ANAPC10: variants seen among roughly 807,000 people sequenced by gnomAD.
The protein encoded by ANAPC10 is anaphase promoting complex subunit 10, also known as anaphase-promoting complex subunit 10.
Under a neutral mutation model 22.0 loss-of-function variants are expected in ANAPC10, and 12 were observed. That is an observed-to-expected ratio of 0.55 (90% CI 0.35 to 0.88). The LOEUF (loss-of-function observed/expected upper bound fraction) is 0.88. ANAPC10 is among the 40% of genes least tolerant of loss of function. ANAPC10 has a pLI of 0.01. For synonymous variants in ANAPC10, 65 were observed against 69.5 expected (o/e 0.94, Z 0.32); for missense variants, 188 against 220.9 (o/e 0.85, Z 0.94).
At chr4:145,033,002 A>T (rs1050541306) in intron 4 of ANAPC10, 4 of 152,222 alleles carry the variant, frequency 2.6e-5, no homozygotes, top group Non-Finnish European at 5.9e-5. Context: ...CTAAAGAAGT[A>T]TGGCAGTGGG....
intron 4 of ANAPC10, among the ~76,000 whole-genome samples, chr4:145,043,628 T>A (rs1739847845): frequency 6.6e-6 from 1 of 152,168 alleles, no homozygotes; most frequent in Non-Finnish European, 1.5e-5. Flanking sequence ...TTCTTTCCAT[T>A]ATAAATCTTT....
chr4:145,083,697 T>C (rs774510107), intron 2 of ANAPC10, among the ~76,000 whole-genome samples: 58 of 152,138 alleles, frequency 3.8e-4, no homozygotes, highest in Non-Finnish European at 7.2e-4. Flanking sequence ...CTGAGAAAAA[T>C]AGAATAATTG....
At chr4:145,067,043 G>C (rs1356386695) in intron 3 of ANAPC10, among the ~76,000 whole-genome samples, 1 of 135,634 alleles carries the variant, frequency 7.4e-6, no homozygotes, top group East Asian at 2.0e-4. Flanking sequence ...CGTATAATTT[G>C]CTATATACAT....
chr4:145,049,189 G>T (rs1349861419), intron 4 of ANAPC10, among the ~76,000 whole-genome samples: 1 of 152,020 alleles, frequency 6.6e-6, no homozygotes, highest in Non-Finnish European at 1.5e-5. Context: ...AATTTTTTTT[G>T]GAGGCAGAGT....
chr4:145,095,451 G>A (rs888375731), intron 2 of ANAPC10, among the ~76,000 whole-genome samples: 11 of 152,210 alleles, frequency 7.2e-5, no homozygotes, highest in Middle Eastern at 3.4e-3. Context: ...CTACCTGACC[G>A]TTAGCCATCA....
rs1309542753 is a variant in ANAPC10, at chr4:145,027,195, G to A, written c.328-31592C>T. ...ATTTTTGTATTTTTAGTAGAGATGG[G>A]ATTTTGCCATGTTGGCCAGGCTAGT... On this transcript the variant is annotated intron_variant, in intron 4 of 4. Transcript: ENST00000507656. Among the ~76,000 whole-genome samples the A allele has an allele frequency of 1.0e-4, 15 of 149,576 alleles. No individual in the cohort carries two copies. The Admixed American group carries it at 1.0e-3, about 10-fold the overall frequency.
At chr4:145,067,737 T>C (rs906366807) in intron 3 of ANAPC10, among the ~76,000 whole-genome samples, 3 of 152,182 alleles carry the variant, frequency 2.0e-5, no homozygotes, top group Non-Finnish European at 4.4e-5. Flanking sequence ...TTGGAACCCA[T>C]GAAATTCTGA....
rs922197718 is a variant in ANAPC10 at position 145,031,059 on chromosome 4, C to A, written c.327+33513G>T. Among the ~76,000 whole-genome samples the A allele has an allele frequency of 2.0e-5, 3 of 152,170 alleles. No individual in the cohort carries two copies. In the East Asian group the frequency reaches 5.8e-4, roughly 29 times the overall value. On this transcript the variant is annotated intron_variant, in intron 4 of 4. Transcript: ENST00000507656. ...TATCCAACCATTGACTTGGCAAATG[C>A]CTTTTTCTCCATTCCTGTCCATAAG...
At chr4:145,051,888 G>T (rs956917116) in intron 4 of ANAPC10, among the ~76,000 whole-genome samples, 3 of 152,002 alleles carry the variant, frequency 2.0e-5, no homozygotes, top group Non-Finnish European at 4.4e-5. Flanking sequence ...TTAAATAATC[G>T]CAGAGTACCT....
At chr4:145,044,874 T>C (rs900918818) in intron 4 of ANAPC10, among the ~76,000 whole-genome samples, 1 of 152,076 alleles carries the variant, frequency 6.6e-6, no homozygotes, top group African/African-American at 2.4e-5. Context: ...TTATTTGATA[T>C]AAATTATATT....
chr4:145,041,604 G>T (rs1739530897), intron 4 of ANAPC10, among the ~76,000 whole-genome samples: 1 of 152,178 alleles, frequency 6.6e-6, no homozygotes, highest in Non-Finnish European at 1.5e-5. Context: ...TCCCCTTCTA[G>T]AAGGCATATG....
chr4:145,091,026 T>C (rs1481642946), intron 2 of ANAPC10, among the ~76,000 whole-genome samples: 1 of 152,248 alleles, frequency 6.6e-6, no homozygotes, highest in Non-Finnish European at 1.5e-5. Context: ...TCATTCTTAA[T>C]ATGTAAAATG....
At chr4:145,036,996 G>C (rs1450358818) in intron 4 of ANAPC10, among the ~76,000 whole-genome samples, 1 of 12,644 alleles carries the variant, frequency 7.9e-5, no homozygotes, top group Non-Finnish European at 2.1e-4. Context: ...AATAGATAAC[G>C]TGTGTGTGTG....
At chr4:145,052,372 T>C (rs2126326040) in intron 4 of ANAPC10, among the ~76,000 whole-genome samples, 1 of 152,282 alleles carries the variant, frequency 6.6e-6, no homozygotes, top group East Asian at 1.9e-4. Context: ...ACCATAAATA[T>C]ACACAATTTT....
Position 145,087,821 on chromosome 4 carries a change from C to T in ANAPC10, c.116-6071G>A, listed in dbSNP as rs538658463. Among the ~76,000 whole-genome samples the T allele has an allele frequency of 3.0e-3, 463 of 152,060 alleles. 2 individuals carry two copies. The highest frequency in any genetic ancestry group is 0.01 in the African/African-American group (430 of 41,468). Reference sequence around the variant, plus strand: ...CAGCATTTTGGGAGGCTGAGGTGGGCGGATCACTTGAGGTCAAGAGTTTGA... The same window carrying T: ...CAGCATTTTGGGAGGCTGAGGTGGGTGGATCACTTGAGGTCAAGAGTTTGA... On this transcript the variant is annotated intron_variant, in intron 2 of 4. Coordinates refer to ENST00000507656, the MANE Select transcript of ANAPC10 (RefSeq NM_001256706.2).
In ANAPC10 at chr4:144,995,613, GA is replaced by G. The variant is rs767238162; in HGVS notation, c.328-11del. 4 of 1,564,442 alleles carry G rather than the reference GA, an allele frequency of 2.6e-6. No homozygotes were observed. The highest frequency in any genetic ancestry group is 1.2e-5 in the South Asian group (1 of 85,336). Reference sequence around the variant, plus strand: ...CCACCAACTCAAGTTGCTGCCAAGGGAAAAAAAATCAGATTATGCTTTTATT... The same window carrying G: ...CCACCAACTCAAGTTGCTGCCAAGGGAAAAAAATCAGATTATGCTTTTATT... On this transcript the variant is annotated splice_polypyrimidine_tract_variant and intron_variant, in intron 4 of 4. Coordinates refer to ENST00000507656, the MANE Select transcript of ANAPC10 (RefSeq NM_001256706.2).
At chr4:145,053,312 T>C (rs1013693282) in intron 4 of ANAPC10, among the ~76,000 whole-genome samples, 1 of 152,208 alleles carries the variant, frequency 6.6e-6, no homozygotes, top group Non-Finnish European at 1.5e-5. Context: ...GCTAACATAT[T>C]ATCTGAACAA....
chr4:144,995,985 G>C (rs1696875961), intron 4 of ANAPC10, among the ~76,000 whole-genome samples: 2 of 152,140 alleles, frequency 1.3e-5, no homozygotes, highest in Admixed American at 1.3e-4. Flanking sequence ...TCCATGAAAA[G>C]GAACCAGAAT....
chr4:145,080,670 A>T (rs541284144), intron 3 of ANAPC10, among the ~76,000 whole-genome samples: 3 of 152,322 alleles, frequency 2.0e-5, no homozygotes, highest in African/African-American at 7.2e-5. Flanking sequence ...GCACTTTGGG[A>T]GGCCGAGGCG....
Sources: gnomAD v4.1 joint callset for allele counts (sites outside exome capture counted in the v4.1 genomes callset) on GRCh38, gnomAD v4.1.1 for gene constraint, MANE v1.5 for transcripts, NCBI Gene and HGNC (gene_info 2026-07-23, HGNC 2026-07-21) for gene names.